The following WRN variants were observed in gnomAD, a reference collection of about 807,000 sequenced individuals.
WRN encodes WRN RecQ like helicase.
WRN carries 149 observed loss-of-function variants against 180.7 expected under a neutral mutation model. That is an observed-to-expected ratio of 0.82 (90% CI 0.72 to 0.94). WRN has a LOEUF of 0.94. WRN is among the 40% of genes least tolerant of loss of function. The pLI, the probability that WRN is intolerant of heterozygous loss-of-function variation, is 0.00. For missense variants in WRN, 1,661 were observed against 1,700.1 expected, an observed-to-expected ratio of 0.98 and a Z score of 0.40; for synonymous variants, 548 against 568.9, an observed-to-expected ratio of 0.96 and a Z score of 0.52.
intron 17 of WRN, among the ~76,000 whole-genome samples, chr8:31,098,655 G>A (rs1020967150): frequency 1.3e-5 from 2 of 152,204 alleles, no homozygotes; most frequent in African/African-American, 4.8e-5. Flanking sequence ...TTGTACAGCA[G>A]TCTGACATTT....
At chr8:31,168,681 G>A (rs935837820) in intron 34 of WRN, among the ~76,000 whole-genome samples, 1 of 152,120 alleles carries the variant, frequency 6.6e-6, no homozygotes, top group African/African-American at 2.4e-5. Flanking sequence ...TAGCCTCCCT[G>A]TATGAAAAGC....
At chr8:31,069,600 G>C (rs573594755) in intron 7 of WRN, among the ~76,000 whole-genome samples, 15 of 152,318 alleles carry the variant, frequency 9.8e-5, no homozygotes, top group African/African-American at 3.6e-4. Context: ...ATGATTTAAA[G>C]TATACAGGAC....
chr8:31,105,111 C>T (rs946870608), intron 18 of WRN, among the ~76,000 whole-genome samples: 1 of 151,528 alleles, frequency 6.6e-6, no homozygotes, highest in African/African-American at 2.4e-5. Flanking sequence ...AAACAACAAA[C>T]CAAAAATAAA....
intron 23 of WRN, among the ~76,000 whole-genome samples, chr8:31,127,612 C>T (rs564400348): frequency 7.2e-5 from 11 of 151,866 alleles, no homozygotes; most frequent in African/African-American, 2.4e-4. Flanking sequence ...AAAAAAAATA[C>T]AACCAACAAA....
chr8:31,134,912 C>A (rs916293647), intron 24 of WRN, among the ~76,000 whole-genome samples: 2 of 152,046 alleles, frequency 1.3e-5, no homozygotes, highest in African/African-American at 4.8e-5. Context: ...TTTTATTTTG[C>A]ACATAGAATT....
chr8:31,116,762 G>A (rs1023103343), intron 20 of WRN, among the ~76,000 whole-genome samples: 1 of 152,182 alleles, frequency 6.6e-6, no homozygotes, highest in Non-Finnish European at 1.5e-5. Flanking sequence ...TGTAATGGGG[G>A]TGGTCCATCC....
rs1812387510 is a variant in WRN at position 31,059,169 on chromosome 8, G to A, written c.113G>A (p.Ser38Asn). ...AAACTCAAGGCATGTGTTCGGAAGAGTGTTTTTGAAGATGACCTCCCCTTC... is the reference window on the plus strand; with the variant it reads ...AAACTCAAGGCATGTGTTCGGAAGAATGTTTTTGAAGATGACCTCCCCTTC... ...VEERKACVRK[S>N]VFEDDLPFLE... is the part of the protein sequence containing the mutation. The change falls in exon 3 of 35, where the codon AGT (serine) becomes AAT (asparagine). Residue 38 changes from serine (S) to asparagine (N), a missense_variant. By Grantham distance (46) the Ser-to-Asn change is conservative. Around this residue, in one of 3 missense-constraint regions of WRN, gnomAD observed 500 missense variants for 504.1 expected, o/e 0.99. Coordinates refer to ENST00000298139, the MANE Select transcript of WRN (RefSeq NM_000553.6). 6.2e-7 allele frequency: 1 copy of A among 1,613,674 alleles called. No homozygotes were observed. Among genetic ancestry groups the A allele is most frequent in the African/African-American group, 1.3e-5 (1 of 74,914 alleles).
chr8:31,158,563 G>A (rs1008068277), intron 33 of WRN, among the ~76,000 whole-genome samples: 1 of 152,058 alleles, frequency 6.6e-6, no homozygotes, highest in Non-Finnish European at 1.5e-5. Context: ...CATCTCCAAA[G>A]CTGCAGTGAA....
At chr8:31,082,476 C>T (rs1407990080) in intron 9 of WRN, among the ~76,000 whole-genome samples, 1 of 152,064 alleles carries the variant, frequency 6.6e-6, no homozygotes, top group African/African-American at 2.4e-5. Flanking sequence ...AAGATGTTCC[C>T]CTTCTGGGAA....
intron 12 of WRN, among the ~76,000 whole-genome samples, chr8:31,088,497 T>C (rs778876963): frequency 6.6e-6 from 1 of 152,166 alleles, no homozygotes; most frequent in Non-Finnish European, 1.5e-5. Flanking sequence ...GATTTTATTT[T>C]ATCTGTGGAT....
In WRN at chr8:31,123,989, C is replaced by G. The variant is rs894905653; in HGVS notation, c.2631-533C>G. ...CTTAATTCTAATACTTGACTGGTGTCCCATAATAACCCATAATACTAAGAG... is the reference window on the plus strand; with the variant it reads ...CTTAATTCTAATACTTGACTGGTGTGCCATAATAACCCATAATACTAAGAG... On this transcript the variant is annotated intron_variant, in intron 21 of 34. Coordinates refer to ENST00000298139, the MANE Select transcript of WRN (RefSeq NM_000553.6). 5.3e-5 allele frequency among the ~76,000 whole-genome samples: 8 copies of G among 152,006 alleles called. No homozygotes were observed. The East Asian group carries it at 1.5e-3, about 29-fold the overall frequency.
At chr8:31,143,058 C>CAT (rs1554533182) in intron 27 of WRN, among the ~76,000 whole-genome samples, 77 of 140,926 alleles carry the variant, frequency 5.5e-4, no homozygotes, top group East Asian at 1.8e-3. Flanking sequence ...CACACACATT[C>CAT]TCTCTCTCTC....
At chr8:31,151,165 T>TC (rs1212665337) in intron 31 of WRN, among the ~76,000 whole-genome samples, 1 of 152,124 alleles carries the variant, frequency 6.6e-6, no homozygotes, top group African/African-American at 2.4e-5. Flanking sequence ...TCCTTGGGTC[T>TC]CCATTTCCTC....
At chr8:31,132,285 A>C in intron 23 of WRN, 80 bp from the exon 24 acceptor site, 1 of 1,525,052 alleles carries the variant, frequency 6.6e-7, no homozygotes, top group Non-Finnish European at 8.8e-7. Flanking sequence ...TTACTTGGCT[A>C]ATTGTTATGC....
chr8:31,167,170 T>G lies in WRN; in HGVS notation c.4131T>G (p.Gly1377=). 2 of 1,613,338 alleles carry G rather than the reference T, an allele frequency of 1.2e-6. No homozygotes were observed. The highest frequency in any genetic ancestry group is 1.7e-6 in the Non-Finnish European group (2 of 1,179,466). ...TCAACAAAAGGAGATGTTTTCCCGG[T>G]TCTGAAGAGATCTGTTCAAGTTCTA... ...CDVNKRRCFP[G]SEEICSSSKR... Residue 1377 remains glycine (G), a synonymous_variant, in exon 34 of 35, where the codon GGT becomes GGG. Transcript: ENST00000298139.
chr8:31,130,519 A>G (rs1802116838), intron 23 of WRN, among the ~76,000 whole-genome samples: 1 of 152,070 alleles, frequency 6.6e-6, no homozygotes, highest in Admixed American at 6.6e-5. Context: ...AGGGTGACTT[A>G]GGAATTTAAC....
chr8:31,151,516 T>C (rs1803126395), intron 31 of WRN, among the ~76,000 whole-genome samples: 2 of 152,326 alleles, frequency 1.3e-5, no homozygotes, highest in South Asian at 4.1e-4. Flanking sequence ...TATTTCTTAC[T>C]GAGTTTTTGG....
chr8:31,080,830 T>C (rs1359136930), intron 8 of WRN, 37 bp from the exon 9 acceptor site: 1 of 1,514,916 alleles, frequency 6.6e-7, no homozygotes, highest in Admixed American at 1.9e-5. Flanking sequence ...GTTAATGCAA[T>C]TGAAGTTGAA....
chr8:31,112,143 C>A (rs978072816), intron 19 of WRN, among the ~76,000 whole-genome samples: 1 of 152,180 alleles, frequency 6.6e-6, no homozygotes, highest in Admixed American at 6.5e-5. Context: ...GGTGTGATCA[C>A]AACTCACTGC....
Sources: allele counts gnomAD v4.1 joint callset (sites outside exome capture counted in the v4.1 genomes callset), GRCh38; gene constraint gnomAD v4.1.1; regional missense constraint gnomAD v4.1.1; transcripts MANE v1.5; gene names NCBI Gene and HGNC (gene_info 2026-07-23, HGNC 2026-07-21).